Variants in CTNNA3 observed in about 807,000 individuals in gnomAD.
The protein encoded by CTNNA3 is catenin alpha-3.
Under a neutral mutation model 95.7 loss-of-function variants are expected in CTNNA3, and 76 were observed. The ratio of observed to expected loss-of-function variants is 0.79; its 90% CI spans 0.66 to 0.96. The LOEUF is 0.96. Among genes scored for constraint, CTNNA3 ranks in the 40% least tolerant of loss-of-function variants. The pLI is 0.00. For synonymous variants in CTNNA3, 431 were observed against 374.4 expected, an observed-to-expected ratio of 1.15 and a Z score of -1.74; for missense variants, 1,191 against 1,089.8, an observed-to-expected ratio of 1.09 and a Z score of -1.31.
chr10:65,931,867 G>A (rs1401891519), intron 17 of CTNNA3, among the ~76,000 whole-genome samples: 1 of 152,178 alleles, frequency 6.6e-6, no homozygotes, highest in East Asian at 1.9e-4. Context: ...TTAGGAAACA[G>A]GAAATTTTAT....
chr10:66,413,237 G>A (rs993807565), intron 11 of CTNNA3, among the ~76,000 whole-genome samples: 3 of 152,054 alleles, frequency 2.0e-5, no homozygotes, highest in Non-Finnish European at 2.9e-5. Flanking sequence ...CCATGGGTCA[G>A]CACTATTGGC....
intron 16 of CTNNA3, among the ~76,000 whole-genome samples, chr10:65,969,433 T>C (rs551853280): frequency 6.6e-6 from 1 of 152,160 alleles, no homozygotes; most frequent in Non-Finnish European, 1.5e-5. Context: ...CCCAGCAAAG[T>C]GGAAACTTGG....
intron 11 of CTNNA3, among the ~76,000 whole-genome samples, chr10:66,439,983 A>C (rs10400123): frequency 0.38 from 58,126 of 152,016 alleles, 11,683 homozygotes; most frequent in African/African-American, 0.5. Flanking sequence ...ATGAATGTGT[A>C]ATTGAATATC....
At chr10:67,282,519 G>A (rs1839439712) in intron 5 of CTNNA3, among the ~76,000 whole-genome samples, 1 of 152,166 alleles carries the variant, frequency 6.6e-6, no homozygotes, top group African/African-American at 2.4e-5. Context: ...CTTAACCCAT[G>A]GTAACCTAAG....
intron 7 of CTNNA3, among the ~76,000 whole-genome samples, chr10:66,862,975 T>C (rs969053232): frequency 7.2e-5 from 11 of 152,138 alleles, no homozygotes; most frequent in African/African-American, 2.7e-4. Flanking sequence ...AGCTTTCTCC[T>C]GCCTTTGAAC....
rs141426187 is a variant in CTNNA3, at chr10:67,686,783, C to T, written c.-6+9217G>A. Among the ~76,000 whole-genome samples, 494 of 152,250 alleles carry T rather than the reference C, an allele frequency of 3.2e-3. 3 individuals carry two copies. The highest frequency in any genetic ancestry group is 0.012 in the African/African-American group (478 of 41,544). ...TGAGTCTGAGTAAGGACCCCAAGAG[C>T]TATTCCTGCTCTCTTTGTGATGTAT... On this transcript the variant is annotated intron_variant, in intron 1 of 17. Coordinates refer to ENST00000433211, the MANE Select transcript of CTNNA3 (RefSeq NM_013266.4).
chr10:66,275,673 T>C (rs577402563), intron 13 of CTNNA3, among the ~76,000 whole-genome samples: 5 of 152,294 alleles, frequency 3.3e-5, no homozygotes, highest in South Asian at 2.1e-4. Flanking sequence ...TTCCAGAGAA[T>C]TGTAATTGGA....
chr10:67,387,868 A>G (rs185484231), intron 5 of CTNNA3, among the ~76,000 whole-genome samples: 194 of 152,290 alleles, frequency 1.3e-3, no homozygotes, highest in Non-Finnish European at 2.0e-3. Context: ...TAGAAGGAAA[A>G]CTTACAAACA....
chr10:67,666,947 C>A (rs1442501722), intron 1 of CTNNA3, among the ~76,000 whole-genome samples: 1 of 152,114 alleles, frequency 6.6e-6, no homozygotes, highest in African/African-American at 2.4e-5. Context: ...AGACTTCCCA[C>A]AATCCTAAAT....
At chr10:67,560,360 A>G (rs1201208555) in intron 3 of CTNNA3, among the ~76,000 whole-genome samples, 4 of 151,972 alleles carry the variant, frequency 2.6e-5, no homozygotes, top group African/African-American at 4.8e-5. Context: ...AGAATTTTCA[A>G]CCCAGAATTT....
At chr10:65,936,886 A>T (rs1046530705) in intron 17 of CTNNA3, among the ~76,000 whole-genome samples, 2 of 152,102 alleles carry the variant, frequency 1.3e-5, no homozygotes, top group Non-Finnish European at 2.9e-5. Context: ...AAACATTTGT[A>T]ATAGTGTCTG....
rs2092816678 is a variant in CTNNA3 at position 66,379,159 on chromosome 10, T to G, written c.1725A>C (p.Thr575=). 1 of 1,611,802 alleles carries G rather than the reference T, an allele frequency of 6.2e-7. No individual in the cohort carries two copies. The highest frequency in any genetic ancestry group is 8.5e-7 in the Non-Finnish European group (1 of 1,177,904). Residue 575 remains threonine (T), a synonymous_variant, in exon 12 of 18, where the codon ACA becomes ACC. Transcript: ENST00000433211. ...TATTGGCAACTGACTTACCAGTACT[T>G]GTAAGGAAGTTAACATTTCTCATTA... is the stretch of plus-strand genomic sequence containing the variant. The part of the protein sequence containing the change: ...EGVMRNVNFL[T]STVIPEFVTQ...
chr10:67,277,572 C>T (rs1032470737), intron 5 of CTNNA3, among the ~76,000 whole-genome samples: 3 of 152,014 alleles, frequency 2.0e-5, no homozygotes, highest in African/African-American at 7.2e-5. Flanking sequence ...AGGCTGCATT[C>T]CCAGGAGATT....
chr10:66,021,279 A>G (rs778218636), intron 15 of CTNNA3, among the ~76,000 whole-genome samples: 5 of 152,278 alleles, frequency 3.3e-5, no homozygotes, highest in Middle Eastern at 3.4e-3. Context: ...AAGAGGCTGA[A>G]TTTATCCAAT....
At chr10:66,323,884 G>T (rs1316917505) in intron 12 of CTNNA3, among the ~76,000 whole-genome samples, 2 of 151,946 alleles carry the variant, frequency 1.3e-5, no homozygotes, top group Non-Finnish European at 2.9e-5. Context: ...GAGAAAGAGG[G>T]AAGAGGGGGA....
At chr10:66,545,949 T>C (rs905520950) in intron 10 of CTNNA3, among the ~76,000 whole-genome samples, 1 of 149,834 alleles carries the variant, frequency 6.7e-6, no homozygotes, top group African/African-American at 2.4e-5. Flanking sequence ...ATGTACATTA[T>C]ATATTATATA....
At chr10:66,941,705 G>A (rs569204139) in intron 7 of CTNNA3, among the ~76,000 whole-genome samples, 9 of 152,154 alleles carry the variant, frequency 5.9e-5, no homozygotes, top group South Asian at 4.1e-4. Flanking sequence ...AGCCTTGACC[G>A]CACTGCCCGT....
In CTNNA3 at chr10:67,352,495, T is replaced by C. The variant is rs141650638; in HGVS notation, c.580-132625A>G. 1.4e-3 allele frequency among the ~76,000 whole-genome samples: 218 copies of C among 151,982 alleles called. 1 individual carries two copies. Among genetic ancestry groups the C allele is most frequent in the Non-Finnish European group, 2.2e-3 (150 of 67,892 alleles). On this transcript the variant is annotated intron_variant, in intron 5 of 17. Coordinates refer to ENST00000433211, the MANE Select transcript of CTNNA3 (RefSeq NM_013266.4). ...AAAAGTTCCAAGTAGTATTATTCCT[T>C]ACTGAAACCTAAGATCCCTTTATGC...
chr10:66,838,309 C>T (rs1842946105), intron 7 of CTNNA3, among the ~76,000 whole-genome samples: 2 of 152,074 alleles, frequency 1.3e-5, no homozygotes, highest in Admixed American at 1.3e-4. Flanking sequence ...TTAGATGATT[C>T]ATGTATAAAC....
Sources: allele counts gnomAD v4.1 joint callset (sites outside exome capture counted in the v4.1 genomes callset), GRCh38; gene constraint gnomAD v4.1.1; transcripts MANE v1.5; gene names NCBI Gene and HGNC (gene_info 2026-07-23, HGNC 2026-07-21).